MECOM: variants seen among roughly 807,000 people sequenced by gnomAD.
MECOM encodes the protein histone-lysine N-methyltransferase MECOM.
In MECOM, 13 loss-of-function variants were observed where a neutral mutation model predicts 116.3. The ratio of observed to expected loss-of-function variants is 0.11; its 90% confidence interval spans 0.07 to 0.18. The LOEUF is 0.18. Ranked by LOEUF, MECOM falls within the 10% of genes least tolerant of loss-of-function variation. The pLI, the probability that MECOM is intolerant of heterozygous loss-of-function variation, is 1.00. For missense variants in MECOM, 1,299 were observed against 1,509.0 expected, an observed-to-expected ratio of 0.86 and a Z score of 2.31; for synonymous variants, 528 against 535.2, an observed-to-expected ratio of 0.99 and a Z score of 0.19.
intron 1 of MECOM, among the ~76,000 whole-genome samples, chr3:169,454,390 GAAAAAAAAA>G (rs35807490): frequency 8.9e-6 from 1 of 111,810 alleles, no homozygotes; most frequent in Non-Finnish European, 1.7e-5. Flanking sequence ...TTTCTTTCAG[GAAAAAAAAA>G]AAAAAAAAAA....
At chr3:169,613,289 C>T (rs1769505579) in intron 1 of MECOM, among the ~76,000 whole-genome samples, 1 of 152,132 alleles carries the variant, frequency 6.6e-6, no homozygotes. Flanking sequence ...CAGGAGATGG[C>T]TCATCAAAGC....
intron 2 of MECOM, among the ~76,000 whole-genome samples, chr3:169,302,562 A>T (rs570970042): frequency 2.0e-5 from 3 of 152,358 alleles, no homozygotes; most frequent in African/African-American, 7.2e-5. Context: ...GAACAAATAT[A>T]AATTTTAAAA....
At chr3:169,576,602 G>A (rs950891901) in intron 1 of MECOM, among the ~76,000 whole-genome samples, 9 of 152,088 alleles carry the variant, frequency 5.9e-5, no homozygotes, top group African/African-American at 1.7e-4. Context: ...AATTTATCTA[G>A]TTAAACTTCA....
chr3:169,616,978 T>C (rs187084311), intron 1 of MECOM, among the ~76,000 whole-genome samples: 58 of 152,358 alleles, frequency 3.8e-4, no homozygotes, highest in African/African-American at 1.3e-3. Context: ...AATAATCAAT[T>C]CTATTCTCCA....
chr3:169,535,514 C>G (rs191559918), intron 1 of MECOM, among the ~76,000 whole-genome samples: 67 of 152,254 alleles, frequency 4.4e-4, no homozygotes, highest in Admixed American at 2.2e-3. Flanking sequence ...AAAGTCGTTC[C>G]AGAGCAAAGC....
chr3:169,465,726 A>G (rs1199293083), intron 1 of MECOM, among the ~76,000 whole-genome samples: 1 of 152,218 alleles, frequency 6.6e-6, no homozygotes, highest in African/African-American at 2.4e-5. Flanking sequence ...GAAAATCCTC[A>G]TGATATACTA....
chr3:169,562,710 A>AT (rs1352685519), intron 1 of MECOM, among the ~76,000 whole-genome samples: 2 of 151,990 alleles, frequency 1.3e-5, no homozygotes, highest in African/African-American at 4.8e-5. Flanking sequence ...GGACTAGTGA[A>AT]TTTCATGTCT....
intron 2 of MECOM, among the ~76,000 whole-genome samples, chr3:169,243,927 A>G (rs1379316129): frequency 6.6e-6 from 1 of 152,226 alleles, no homozygotes; most frequent in African/African-American, 2.4e-5. Context: ...AAAAGTCTCC[A>G]GGAGACCCCA....
intron 2 of MECOM, among the ~76,000 whole-genome samples, chr3:169,249,514 T>A (rs1487186350): frequency 6.6e-6 from 1 of 152,254 alleles, no homozygotes; most frequent in Non-Finnish European, 1.5e-5. Context: ...CTTTGAAGAC[T>A]GCAAAAGTCT....
At chr3:169,481,038 C>G (rs780364580) in intron 1 of MECOM, among the ~76,000 whole-genome samples, 35 of 151,984 alleles carry the variant, frequency 2.3e-4, no homozygotes, top group Non-Finnish European at 2.8e-4. Context: ...TCTGTTTTAA[C>G]CAGAAAAAGA....
In MECOM at chr3:169,413,228, T is replaced by A. The variant is rs564581439; in HGVS notation, c.38-31704A>T. Among the ~76,000 whole-genome samples the A allele has an allele frequency of 4.9e-4, 75 of 152,224 alleles. 1 individual carries two copies. The highest frequency in any genetic ancestry group is 1.7e-3 in the African/African-American group (72 of 41,544). ...GGCGAGCCGAAGCAGGGTGAGGCAT[T>A]GCCTCACCTGCAAAGCGCAAGGGGT... On this transcript the variant is annotated intron_variant, in intron 1 of 16. Coordinates refer to ENST00000651503, the MANE Select transcript of MECOM (RefSeq NM_004991.4).
At chr3:169,523,229 G>T (rs1159318500) in intron 1 of MECOM, among the ~76,000 whole-genome samples, 6 of 152,142 alleles carry the variant, frequency 3.9e-5, no homozygotes, top group Non-Finnish European at 8.8e-5. Flanking sequence ...TTGGGTACTG[G>T]AGGCAAAGGA....
At chr3:169,198,234 T>G (rs1748690827) in intron 2 of MECOM, among the ~76,000 whole-genome samples, 1 of 152,072 alleles carries the variant, frequency 6.6e-6, no homozygotes, top group Non-Finnish European at 1.5e-5. Context: ...TGGTTCAATG[T>G]CTTATATTTA....
At chr3:169,316,450 A>G (rs1248568551) in intron 2 of MECOM, among the ~76,000 whole-genome samples, 1 of 152,226 alleles carries the variant, frequency 6.6e-6, no homozygotes, top group Non-Finnish European at 1.5e-5. Context: ...TGATGATTTT[A>G]TATTGTGTCT....
At chr3:169,605,358 A>G (rs1288989740) in intron 1 of MECOM, among the ~76,000 whole-genome samples, 1 of 152,240 alleles carries the variant, frequency 6.6e-6, no homozygotes, top group East Asian at 1.9e-4. Context: ...GGAAAAAAGT[A>G]GAGTTATATA....
At chr3:169,242,454 C>T (rs190173384) in intron 2 of MECOM, among the ~76,000 whole-genome samples, 1 of 152,268 alleles carries the variant, frequency 6.6e-6, no homozygotes, top group African/African-American at 2.4e-5. Flanking sequence ...CTCCACTCTC[C>T]GCTGATAACG....
intron 2 of MECOM, among the ~76,000 whole-genome samples, chr3:169,345,264 T>C (rs1276642096): frequency 6.6e-6 from 1 of 152,028 alleles, no homozygotes; most frequent in African/African-American, 2.4e-5. Flanking sequence ...AAATATACGA[T>C]AAAAGACAGC....
chr3:169,355,878 T>C (rs1220605863), intron 2 of MECOM, among the ~76,000 whole-genome samples: 2 of 151,894 alleles, frequency 1.3e-5, no homozygotes, highest in Non-Finnish European at 2.9e-5. Context: ...GTCTAAACCG[T>C]ATATGGAAAA....
At position 169,262,297 on chromosome 3, in the gene MECOM, G is replaced by A. The variant is rs543834040; in HGVS notation, c.376-118465C>T. 4.0e-4 allele frequency among the ~76,000 whole-genome samples: 61 copies of A among 152,266 alleles called. 1 individual carries two copies. The highest frequency in any genetic ancestry group is 1.3e-3 in the African/African-American group (53 of 41,544). The stretch of plus-strand genomic sequence containing the variant: ...TCACAACAGGAGAATAAGGCTTTGC[G>A]CCTAAAATGCCCTTCCTGACCAAAC... On this transcript the variant is annotated intron_variant, in intron 2 of 16. Transcript: ENST00000651503.
Sources: gnomAD v4.1 joint callset for allele counts (sites outside exome capture counted in the v4.1 genomes callset) on GRCh38, gnomAD v4.1.1 for gene constraint, MANE v1.5 for transcripts, NCBI Gene and HGNC (gene_info 2026-07-23, HGNC 2026-07-21) for gene names.